The following CLOCK variants were observed in gnomAD, a reference collection of about 807,000 sequenced individuals.
The protein encoded by CLOCK is circadian locomoter output cycles protein kaput.
In CLOCK, 43 loss-of-function variants were observed where a neutral mutation model predicts 118.4. That is an observed-to-expected ratio of 0.36 (90% CI 0.28 to 0.47). CLOCK has a LOEUF of 0.47. Among genes scored for constraint, CLOCK ranks in the 20% least tolerant of loss-of-function variants. CLOCK has a pLI of 1.00. For missense variants in CLOCK, 846 were observed against 999.9 expected, an observed-to-expected ratio of 0.85 and a Z score of 2.08; for synonymous variants, 326 against 339.2, an observed-to-expected ratio of 0.96 and a Z score of 0.43.
At chr4:55,475,938 T>G (rs1345005082) in intron 7 of CLOCK, 25 bp downstream of exon 7, 2 of 1,535,488 alleles carry the variant, frequency 1.3e-6, no homozygotes, top group Non-Finnish European at 1.8e-6. Context: ...AAAATAAAAC[T>G]TTCAAAAATT....
chr4:55,454,800 C>T (rs1214150166), intron 13 of CLOCK, among the ~76,000 whole-genome samples: 1 of 151,990 alleles, frequency 6.6e-6, no homozygotes. Context: ...GACCAACATT[C>T]GGTGGAACAA....
chr4:55,513,517 T>C (rs1423315303), intron 1 of CLOCK, among the ~76,000 whole-genome samples: 1 of 152,160 alleles, frequency 6.6e-6, no homozygotes, highest in Non-Finnish European at 1.5e-5. Context: ...TATTTGTCTA[T>C]GCTTTCACCA....
chr4:55,489,233 C>A (rs1249859755), intron 3 of CLOCK, 141 bp downstream of exon 3: 1 of 152,276 alleles, frequency 6.6e-6, no homozygotes, highest in East Asian at 1.9e-4. Context: ...GCTGGTACTA[C>A]GTTTGGTGGT....
At chr4:55,537,481 T>C (rs1730980778) in intron 1 of CLOCK, among the ~76,000 whole-genome samples, 1 of 152,072 alleles carries the variant, frequency 6.6e-6, no homozygotes, top group Admixed American at 6.5e-5. Context: ...TAGCCAGGCA[T>C]GATGGCACGC....
chr4:55,543,976 G>T (rs1413990294), intron 1 of CLOCK, among the ~76,000 whole-genome samples: 1 of 152,102 alleles, frequency 6.6e-6, no homozygotes, highest in Non-Finnish European at 1.5e-5. Context: ...CACAGCAACT[G>T]CAATCCATTA....
chr4:55,430,901 T>C lies in CLOCK; in HGVS notation c.*4514A>G, dbSNP rs1722454221. The C allele has an allele frequency of 1.3e-5, 2 of 152,176 alleles. No homozygotes were observed. The highest frequency in any genetic ancestry group is 2.4e-5 in the African/African-American group (1 of 41,432). The allele number at this position is 152,176 out of a possible 1,614,324, so 9.4% of individuals were successfully genotyped here. ...AACTAGGCATCTACAATCTCTTGAC[T>C]CCACCACATTCAAAACAAAAATCAA... On this transcript the variant is annotated 3_prime_UTR_variant, in exon 23 of 23. Coordinates refer to ENST00000513440, the MANE Select transcript of CLOCK (RefSeq NM_004898.4).
In CLOCK at chr4:55,430,213, G is replaced by A. The variant is rs1203368354; in HGVS notation, c.*5202C>T. On this transcript the variant is annotated 3_prime_UTR_variant, in exon 23 of 23. Transcript: ENST00000513440. Reference sequence around the variant, plus strand: ...CACTTAATGCAGCACCTCAGTGTTTGCTGGTGGTGGTGATGGAATTTCACT... The same window carrying A: ...CACTTAATGCAGCACCTCAGTGTTTACTGGTGGTGGTGATGGAATTTCACT... The A allele has an allele frequency of 1.6e-4, 23 of 141,910 alleles. No individual in the cohort carries two copies. Among genetic ancestry groups the A allele is most frequent in the Admixed American group, 1.6e-3 (23 of 14,256 alleles). The allele number at this position is 141,910 out of a possible 1,614,324, so 8.8% of individuals were successfully genotyped here.
At chr4:55,537,722 A>C (rs1416970027) in intron 1 of CLOCK, among the ~76,000 whole-genome samples, 6 of 152,222 alleles carry the variant, frequency 3.9e-5, no homozygotes, top group Admixed American at 3.9e-4. Flanking sequence ...TGAGCCTGAG[A>C]GGTCAAGGCT....
chr4:55,535,778 C>G (rs1057096537), intron 1 of CLOCK, among the ~76,000 whole-genome samples: 2 of 133,518 alleles, frequency 1.5e-5, no homozygotes, highest in African/African-American at 5.8e-5. Context: ...TCTTGTTGCT[C>G]TGTCACCCAG....
intron 2 of CLOCK, among the ~76,000 whole-genome samples, chr4:55,502,582 G>A (rs1728511722): frequency 6.6e-6 from 1 of 152,114 alleles, no homozygotes; most frequent in Non-Finnish European, 1.5e-5. Flanking sequence ...CAAGTTTATA[G>A]AAGAAAACAT....
intron 6 of CLOCK, 130 bp from the exon 7 acceptor site, chr4:55,476,184 A>G (rs1462896855): frequency 1.3e-5 from 9 of 675,744 alleles, no homozygotes; most frequent in Non-Finnish European, 8.1e-6. Flanking sequence ...TATTGGGTAG[A>G]TATCAAGAGG....
chr4:55,532,916 G>C (rs1730646872), intron 1 of CLOCK, among the ~76,000 whole-genome samples: 1 of 151,996 alleles, frequency 6.6e-6, no homozygotes, highest in African/African-American at 2.4e-5. Flanking sequence ...TAACCAAGGA[G>C]ATAAAAGACT....
Position 55,442,515 on chromosome 4 carries a change from G to A in CLOCK, c.2022C>T (p.Ser674=), listed in dbSNP as rs2109682091. ...TMVISQPAAG[S]MVQIPSSMPQ... is the part of the protein sequence containing the mutation. ...GCATACTAGATGGAATCTGGACCAT[G>A]CTTCCGGCTGCAGGCTGAGAAATCA... Residue 674 remains serine (S), a synonymous_variant, in exon 21 of 23, where the codon AGC becomes AGT. Coordinates refer to ENST00000513440, the MANE Select transcript of CLOCK (RefSeq NM_004898.4). 2 of 1,609,508 alleles carry A rather than the reference G, an allele frequency of 1.2e-6. No individual in the cohort carries two copies. The highest frequency in any genetic ancestry group is 1.7e-6 in the Non-Finnish European group (2 of 1,179,306).
At chr4:55,480,458 G>T (rs1726841271) in intron 4 of CLOCK, among the ~76,000 whole-genome samples, 1 of 152,088 alleles carries the variant, frequency 6.6e-6, no homozygotes, top group Non-Finnish European at 1.5e-5. Context: ...TAGAGATGGG[G>T]TCTTGCTATG....
chr4:55,511,983 T>G (rs1376182789), intron 1 of CLOCK, among the ~76,000 whole-genome samples: 2 of 151,900 alleles, frequency 1.3e-5, no homozygotes, highest in Admixed American at 6.6e-5. Flanking sequence ...TGTCTGAATA[T>G]ACCACAGTTT....
chr4:55,471,582 C>T (rs1029258552), intron 7 of CLOCK, among the ~76,000 whole-genome samples: 2 of 152,066 alleles, frequency 1.3e-5, no homozygotes, highest in African/African-American at 2.4e-5. Context: ...ATGTGAAGTT[C>T]GATTTCAGAA....
chr4:55,494,693 T>C (rs910135090), intron 2 of CLOCK, among the ~76,000 whole-genome samples: 1 of 152,090 alleles, frequency 6.6e-6, no homozygotes, highest in Non-Finnish European at 1.5e-5. Flanking sequence ...AAACACCCCC[T>C]GTTCCCCAAA....
At chr4:55,444,998 A>G (rs1222352583) in intron 18 of CLOCK, among the ~76,000 whole-genome samples, 1 of 152,188 alleles carries the variant, frequency 6.6e-6, no homozygotes, top group Non-Finnish European at 1.5e-5. Context: ...CAGCAGGCAC[A>G]AAGTTATCCA....
At chr4:55,546,723 G>T (rs1731665531) in intron 1 of CLOCK, 59 bp downstream of exon 1, 2 of 148,952 alleles carry the variant, frequency 1.3e-5, no homozygotes, top group Admixed American at 6.7e-5. Context: ...CGCATGCGCC[G>T]CCAAGGAAGC....
Sources: allele counts gnomAD v4.1 joint callset (sites outside exome capture counted in the v4.1 genomes callset), GRCh38; gene constraint gnomAD v4.1.1; transcripts MANE v1.5; gene names NCBI Gene and HGNC (gene_info 2026-07-23, HGNC 2026-07-21).